The following HM13 variants were observed in gnomAD, a reference collection of about 807,000 sequenced individuals.
HM13 encodes signal peptide peptidase.
A neutral mutation model predicts 50.0 loss-of-function variants in HM13; 18 were observed. The observed-to-expected ratio is 0.36, with a 90% confidence interval of 0.25 to 0.53. The LOEUF is 0.53. Among genes scored for constraint, HM13 ranks in the 20% least tolerant of loss-of-function variants. The pLI is 0.90. For synonymous variants in HM13, 197 were observed against 232.6 expected (o/e 0.85, Z 1.39); for missense variants, 393 against 552.4 (o/e 0.71, Z 2.89).
intron 10 of HM13, chr20:31,562,476 G>A (rs6058110): frequency 0.25 from 38,569 of 152,256 alleles, 6,967 homozygotes; most frequent in African/African-American, 0.51. Context: ...TTCAAACCTG[G>A]GTCAGCATGG....
At chr20:31,524,013 A>G (rs1982334928) in intron 1 of HM13, among the ~76,000 whole-genome samples, 1 of 152,222 alleles carries the variant, frequency 6.6e-6, no homozygotes, top group Non-Finnish European at 1.5e-5. Flanking sequence ...TGATAGTCAC[A>G]ACCCCCAATA....
At chr20:31,519,056 T>A (rs1323260048) in intron 1 of HM13, among the ~76,000 whole-genome samples, 1 of 152,118 alleles carries the variant, frequency 6.6e-6, no homozygotes, top group African/African-American at 2.4e-5. Context: ...TCCAGAAAGA[T>A]TCTGTGTCTT....
intron 1 of HM13, among the ~76,000 whole-genome samples, chr20:31,522,560 A>C (rs1982237814): frequency 6.6e-6 from 1 of 151,976 alleles, no homozygotes; most frequent in Non-Finnish European, 1.5e-5. Context: ...AAAACAAAAA[A>C]AAAAAACTGA....
chr20:31,564,857 A>AG (rs1268064602), intron 10 of HM13, among the ~76,000 whole-genome samples: 1 of 151,326 alleles, frequency 6.6e-6, no homozygotes, highest in Non-Finnish European at 1.5e-5. Context: ...ATCACAAAAA[A>AG]AAAAAAAAAG....
chr20:31,521,990 C>G (rs1218274639), intron 1 of HM13, among the ~76,000 whole-genome samples: 1 of 151,546 alleles, frequency 6.6e-6, no homozygotes, highest in Non-Finnish European at 1.5e-5. Flanking sequence ...CCCATTCTGA[C>G]TCAGCATTGC....
intron 7 of HM13, among the ~76,000 whole-genome samples, chr20:31,554,181 T>C (rs981079724): frequency 6.6e-6 from 1 of 151,910 alleles, no homozygotes; most frequent in African/African-American, 2.4e-5. Context: ...GTGAGTTTCA[T>C]ACAACAAGAA....
intron 1 of HM13, among the ~76,000 whole-genome samples, chr20:31,517,269 G>A (rs1981848575): frequency 6.6e-6 from 1 of 152,182 alleles, no homozygotes; most frequent in African/African-American, 2.4e-5. Context: ...ATCATGGAGA[G>A]AAAGAAGGTA....
intron 7 of HM13, chr20:31,550,372 A>C: frequency 2.0e-6 from 1 of 508,534 alleles, no homozygotes. Context: ...GCGAGCATGG[A>C]GGGGAAGTGT....
chr20:31,539,509 A>C lies in HM13; in HGVS notation c.365+1248A>C, dbSNP rs1273760697. The C allele has an allele frequency of 4.1e-6, 4 of 985,402 alleles. No individual in the cohort carries two copies. The African/African-American group carries it at 7.0e-5, about 17-fold the overall frequency. The allele number at this position is 985,402 out of a possible 1,614,324, so 61.0% of individuals were successfully genotyped here. A position where few individuals can be genotyped will look rare whatever the true frequency, so the allele number is the denominator to read the frequency against. On this transcript the variant is annotated intron_variant, in intron 3 of 12. Coordinates refer to ENST00000398174, the MANE Select transcript of HM13 (RefSeq NM_178581.3). Reference sequence around the variant, plus strand: ...TCTGCTCCCAAAAGCATTGAAAGCCAATATGAGGCCAGGTGGTGGCTCATG... The same window carrying C: ...TCTGCTCCCAAAAGCATTGAAAGCCCATATGAGGCCAGGTGGTGGCTCATG...
At chr20:31,530,855 A>G (rs901986315) in intron 2 of HM13, among the ~76,000 whole-genome samples, 5 of 152,164 alleles carry the variant, frequency 3.3e-5, no homozygotes, top group Admixed American at 1.3e-4. Flanking sequence ...CTTCAAGTCT[A>G]TCTGCAGTAG....
intron 12 of HM13, among the ~76,000 whole-genome samples, chr20:31,568,741 T>C (rs950821055): frequency 1.3e-5 from 2 of 152,246 alleles, no homozygotes; most frequent in African/African-American, 4.8e-5. Context: ...TGATTCATGC[T>C]GTGTGCCCTG....
intron 1 of HM13, among the ~76,000 whole-genome samples, chr20:31,524,710 CTT>C (rs1156549702): frequency 3.0e-3 from 329 of 110,732 alleles, no homozygotes; most frequent in African/African-American, 0.01. Context: ...TGTTGTGTGG[CTT>C]TTTTTTTTTT....
chr20:31,528,323 T>G (rs1982614985), intron 2 of HM13, among the ~76,000 whole-genome samples: 1 of 152,138 alleles, frequency 6.6e-6, no homozygotes, highest in South Asian at 2.1e-4. Flanking sequence ...GGGCTTTTTA[T>G]TTATTTATTT....
intron 8 of HM13, among the ~76,000 whole-genome samples, chr20:31,558,242 G>A (rs1384583256): frequency 6.6e-6 from 1 of 152,180 alleles, no homozygotes; most frequent in East Asian, 1.9e-4. Context: ...GTGGACCGAG[G>A]TAACCCTCTC....
chr20:31,535,401 G>C (rs561677504), intron 2 of HM13: 1 of 152,288 alleles, frequency 6.6e-6, no homozygotes, highest in South Asian at 2.1e-4. Context: ...ATGCTCTAAA[G>C]CCTGTACTCT....
chr20:31,516,241 C>A (rs1301639725), intron 1 of HM13, among the ~76,000 whole-genome samples: 1 of 152,214 alleles, frequency 6.6e-6, no homozygotes. Flanking sequence ...TGGCATAAGG[C>A]TAGGCAGCTT....
Position 31,527,595 on chromosome 20 carries a change from C to T in HM13, c.282+13C>T. The stretch of plus-strand genomic sequence containing the variant: ...CCTCTTTTTCAAAGTAAGTCTTTTG[C>T]CACCTGTTGTGTCATTTGATCTAAA... On this transcript the variant is annotated intron_variant, in intron 2 of 12. Transcript: ENST00000398174. 2.6e-6 allele frequency: 4 copies of T among 1,563,932 alleles called. No individual in the cohort carries two copies. The highest frequency in any genetic ancestry group is 2.6e-6 in the Non-Finnish European group (3 of 1,135,782).
At chr20:31,532,757 CTG>C (rs1026779387) in intron 2 of HM13, among the ~76,000 whole-genome samples, 125 of 152,342 alleles carry the variant, frequency 8.2e-4, no homozygotes, top group African/African-American at 2.8e-3. Flanking sequence ...CTCCGTGGCT[CTG>C]TGTACATCCA....
chr20:31,529,692 G>T (rs769636228), intron 2 of HM13, among the ~76,000 whole-genome samples: 2 of 152,158 alleles, frequency 1.3e-5, no homozygotes, highest in Non-Finnish European at 2.9e-5. Flanking sequence ...GAGGTGGGTG[G>T]ATCATCTGAG....
Sources: gnomAD v4.1 joint callset for allele counts (sites outside exome capture counted in the v4.1 genomes callset) on GRCh38, gnomAD v4.1.1 for gene constraint, MANE v1.5 for transcripts, NCBI Gene and HGNC (gene_info 2026-07-23, HGNC 2026-07-21) for gene names.